The following CUEDC1 variants were observed in gnomAD, a reference collection of about 807,000 sequenced individuals.
CUEDC1 encodes CUE domain containing 1, also known as CUE domain-containing protein 1.
A neutral mutation model predicts 43.7 loss-of-function variants in CUEDC1; 30 were observed. The ratio of observed to expected loss-of-function variants is 0.69; its 90% CI spans 0.51 to 0.93. CUEDC1 has a LOEUF of 0.93. CUEDC1 is among the 40% of genes least tolerant of loss of function. The pLI, the probability that CUEDC1 is intolerant of heterozygous loss-of-function variation, is 0.00. For missense variants in CUEDC1, 486 were observed against 549.0 expected (o/e 0.89, Z 1.15); for synonymous variants, 223 against 223.6 (o/e 1.00, Z 0.02).
At chr17:57,893,876 A>C (rs1048775123) in intron 1 of CUEDC1, among the ~76,000 whole-genome samples, 1 of 152,202 alleles carries the variant, frequency 6.6e-6, no homozygotes, top group Non-Finnish European at 1.5e-5. Flanking sequence ...CAGGTGGATC[A>C]CGAGATCAGG....
intron 1 of CUEDC1, among the ~76,000 whole-genome samples, chr17:57,938,071 T>A (rs2074879268): frequency 6.6e-6 from 1 of 152,128 alleles, no homozygotes; most frequent in South Asian, 2.1e-4. Flanking sequence ...ATCCCAGTCT[T>A]CAGGCCTTAA....
chr17:57,866,831 T>C lies in CUEDC1; in HGVS notation c.1094-287A>G, dbSNP rs1225612962. On this transcript the variant is annotated intron_variant, in intron 9 of 10. Transcript: ENST00000577830. ...AAAATGGGATGGAAAAGCTGGACTA[T>C]CTAGATGACCTCTGAGGCCCTTCCA... The C allele has an allele frequency of 7.3e-5, 33 of 453,712 alleles. No homozygotes were observed. In the South Asian group the frequency reaches 7.8e-4, roughly 11 times the overall value. 28.1% of individuals were successfully genotyped at this position (453,712 alleles called of 1,614,324 possible).
At chr17:57,871,491 G>A (rs552048027) in intron 5 of CUEDC1, 122 bp from the exon 6 acceptor site, 11 of 723,568 alleles carry the variant, frequency 1.5e-5, no homozygotes, top group East Asian at 2.6e-5. Flanking sequence ...GAGCACACAC[G>A]GGCACCCAAA....
intron 10 of CUEDC1, among the ~76,000 whole-genome samples, chr17:57,865,864 C>T (rs934332178): frequency 4.0e-5 from 6 of 151,278 alleles, no homozygotes; most frequent in Non-Finnish European, 8.8e-5. Flanking sequence ...CTCTTGTCGC[C>T]CAGGCTGGTG....
In CUEDC1 at chr17:57,917,997, G is replaced by A. The variant is rs143219083; in HGVS notation, c.-315-32118C>T. Among the ~76,000 whole-genome samples the A allele has an allele frequency of 8.0e-5, 12 of 150,824 alleles. No individual in the cohort carries two copies. The East Asian group carries it at 1.4e-3, about 17-fold the overall frequency. On this transcript the variant is annotated intron_variant, in intron 1 of 10. Transcript: ENST00000577830. ...TTTACCCCCTCAACAAGGTGGCATC[G>A]TTAGAGTGTGAGCCCCTGCTGTCTC...
intron 1 of CUEDC1, among the ~76,000 whole-genome samples, chr17:57,938,962 T>A (rs1201968923): frequency 6.9e-4 from 1 of 1,448 alleles, no homozygotes; most frequent in Non-Finnish European, 3.8e-3. Context: ...TGCCCAGCCT[T>A]TTTTTTTTTT....
In CUEDC1 at chr17:57,936,671, T is replaced by G. The variant is rs896913976; in HGVS notation, c.-316+18554A>C. On this transcript the variant is annotated intron_variant, in intron 1 of 10. Coordinates refer to ENST00000577830, the MANE Select transcript of CUEDC1 (RefSeq NM_001271875.2). Reference sequence around the variant, plus strand: ...GCAGAACTGGATTAATAGAAAGACCTGAGCCGCAACCCGGGTGAGGCTCAG... The same window carrying G: ...GCAGAACTGGATTAATAGAAAGACCGGAGCCGCAACCCGGGTGAGGCTCAG... Among the ~76,000 whole-genome samples the G allele has an allele frequency of 5.9e-4, 90 of 152,222 alleles. 1 individual carries two copies. Among genetic ancestry groups the G allele is most frequent in the Admixed American group, 5.9e-3 (90 of 15,298 alleles).
intron 9 of CUEDC1, 90 bp from the exon 10 acceptor site, chr17:57,866,634 C>A (rs2073963743): frequency 1.6e-5 from 20 of 1,268,900 alleles, no homozygotes; most frequent in Non-Finnish European, 2.2e-5. Flanking sequence ...GCTGACCCGA[C>A]TCTCTCTGCC....
chr17:57,927,173 T>C (rs1385499605), intron 1 of CUEDC1, among the ~76,000 whole-genome samples: 1 of 152,030 alleles, frequency 6.6e-6, no homozygotes. Context: ...GTGGGGCTGT[T>C]ATGGAGGGTG....
intron 1 of CUEDC1, among the ~76,000 whole-genome samples, chr17:57,886,782 G>C (rs915642043): frequency 6.8e-6 from 1 of 146,942 alleles, no homozygotes; most frequent in South Asian, 2.1e-4. Context: ...TCTCAAAGTT[G>C]TCTTGAGAAA....
At position 57,893,954 on chromosome 17, in the gene CUEDC1, C is replaced by T. The variant is rs186371618; in HGVS notation, c.-315-8075G>A. Among the ~76,000 whole-genome samples the T allele has an allele frequency of 6.2e-3, 947 of 152,232 alleles. 9 individuals are homozygous for T. Among genetic ancestry groups the T allele is most frequent in the Non-Finnish European group, 9.0e-3 (609 of 68,030 alleles). On this transcript the variant is annotated intron_variant, in intron 1 of 10. Coordinates refer to ENST00000577830, the MANE Select transcript of CUEDC1 (RefSeq NM_001271875.2). The stretch of plus-strand genomic sequence containing the variant: ...ACTAAAAATACAAAAATTAGCCAGG[C>T]ATGGTGGTGGGTGCCTGTAATTCCA...
intron 1 of CUEDC1, among the ~76,000 whole-genome samples, chr17:57,952,599 C>T (rs2075017879): frequency 1.3e-5 from 2 of 152,186 alleles, no homozygotes; most frequent in African/African-American, 4.8e-5. Flanking sequence ...CCTCCTCCAG[C>T]TCACCTTGGA....
In CUEDC1 at chr17:57,867,342, C is replaced by G. The variant is rs1242433474; in HGVS notation, c.1093+15G>C. The G allele has an allele frequency of 6.4e-7, 1 of 1,551,228 alleles. No individual in the cohort carries two copies. The highest frequency in any genetic ancestry group is 8.7e-7 in the Non-Finnish European group (1 of 1,146,598). On this transcript the variant is annotated intron_variant, in intron 9 of 10. Coordinates refer to ENST00000577830, the MANE Select transcript of CUEDC1 (RefSeq NM_001271875.2). ...CATAGAGAAGTTGGAGCTTACGACT[C>G]CCCTCCAGCCTCACCACACGCGTGG...
chr17:57,877,576 A>AT (rs2074143006), intron 3 of CUEDC1, among the ~76,000 whole-genome samples: 2 of 107,184 alleles, frequency 1.9e-5, no homozygotes, highest in East Asian at 2.0e-4. Context: ...GTATTGGAAT[A>AT]TTAAAAAAAA....
rs927910956 is a variant in CUEDC1, at chr17:57,885,086, T to A, written c.336+143A>T. ...TTTCCCTAGGGGAAGTAAGGCTGCTTGCTAATTAGAACCCAGATAGCGGAG... is the reference window on the plus strand; with the variant it reads ...TTTCCCTAGGGGAAGTAAGGCTGCTAGCTAATTAGAACCCAGATAGCGGAG... On this transcript the variant is annotated intron_variant, in intron 2 of 10. Coordinates refer to ENST00000577830, the MANE Select transcript of CUEDC1 (RefSeq NM_001271875.2). 2.1e-6 allele frequency: 3 copies of A among 1,404,310 alleles called. No homozygotes were observed. The African/African-American group carries it at 4.4e-5, about 21-fold the overall frequency. The allele number at this position is 1,404,310 out of a possible 1,614,324, so 87.0% of individuals were successfully genotyped here.
At chr17:57,947,794 C>T (rs536284484) in intron 1 of CUEDC1, among the ~76,000 whole-genome samples, 78 of 152,070 alleles carry the variant, frequency 5.1e-4, no homozygotes, top group Middle Eastern at 6.8e-3. Flanking sequence ...AAGAGCAAGA[C>T]CCTGTCTCAT....
intron 1 of CUEDC1, among the ~76,000 whole-genome samples, chr17:57,934,269 A>G (rs1182418861): frequency 1.3e-5 from 2 of 152,028 alleles, no homozygotes; most frequent in African/African-American, 2.4e-5. Context: ...ACACGTGCCT[A>G]TAGTCCCAGC....
At position 57,939,951 on chromosome 17, in the gene CUEDC1, G is replaced by A. The variant is rs373305604; in HGVS notation, c.-316+15274C>T. On this transcript the variant is annotated intron_variant, in intron 1 of 10. Coordinates refer to ENST00000577830, the MANE Select transcript of CUEDC1 (RefSeq NM_001271875.2). ...CCCCACCACACCCCCACACACCCCC[G>A]GCACTTGGGAGACCAGGCACTTCCT... is the stretch of plus-strand genomic sequence containing the variant. 4.3e-4 allele frequency among the ~76,000 whole-genome samples: 61 copies of A among 143,118 alleles called. 3 individuals carry two copies. Among genetic ancestry groups the A allele is most frequent in the Admixed American group, 2.9e-3 (41 of 14,290 alleles). The allele number at this position is 143,118 out of a possible 152,430, so 93.9% of individuals were successfully genotyped here. A position where few individuals can be genotyped will look rare whatever the true frequency, so the allele number is the denominator to read the frequency against.
At chr17:57,897,925 A>G (rs2074430685) in intron 1 of CUEDC1, among the ~76,000 whole-genome samples, 1 of 152,172 alleles carries the variant, frequency 6.6e-6, no homozygotes, top group African/African-American at 2.4e-5. Context: ...GAGCAGGAGA[A>G]TCGCTTGAAA....
Sources: gnomAD v4.1 joint callset for allele counts (sites outside exome capture counted in the v4.1 genomes callset) on GRCh38, gnomAD v4.1.1 for gene constraint, MANE v1.5 for transcripts, NCBI Gene and HGNC (gene_info 2026-07-23, HGNC 2026-07-21) for gene names.